ATF6: variants seen among roughly 807,000 people sequenced by gnomAD.
ATF6 encodes the protein cyclic AMP-dependent transcription factor ATF-6 alpha.
Under a neutral mutation model 83.6 loss-of-function variants are expected in ATF6, and 53 were observed. The observed-to-expected ratio is 0.63, with a 90% CI of 0.51 to 0.80. The LOEUF is 0.80. ATF6 is among the 30% of genes least tolerant of loss of function. The pLI, the probability that ATF6 is intolerant of heterozygous loss-of-function variation, is 0.00. For synonymous variants in ATF6, 288 were observed against 285.8 expected (o/e 1.01, Z -0.08); for missense variants, 744 against 797.9 (o/e 0.93, Z 0.81).
chr1:161,897,527 A>G (rs1017086920), intron 14 of ATF6, among the ~76,000 whole-genome samples: 1 of 152,226 alleles, frequency 6.6e-6, no homozygotes, highest in South Asian at 2.1e-4. Flanking sequence ...TAGATTTGTC[A>G]TGGCTGCTGC....
rs928657917 is a variant in ATF6, at chr1:161,879,415, G to A, written c.1719+16103G>A. On this transcript the variant is annotated intron_variant, in intron 14 of 15. Transcript: ENST00000367942. ...GAATGCCAGGTGTAGAGTTACAGTTGATTAATAAGACACAGCCCCTGTACT... is the reference window on the plus strand; with the variant it reads ...GAATGCCAGGTGTAGAGTTACAGTTAATTAATAAGACACAGCCCCTGTACT... 4.6e-5 allele frequency among the ~76,000 whole-genome samples: 7 copies of A among 151,950 alleles called. No homozygotes were observed. In the East Asian group the frequency reaches 1.2e-3, roughly 25 times the overall value.
chr1:161,772,507 C>G (rs183204577), intron 1 of ATF6, among the ~76,000 whole-genome samples: 1 of 152,286 alleles, frequency 6.6e-6, no homozygotes, highest in East Asian at 1.9e-4. Context: ...CCTCATTTAC[C>G]CACCTATCAA....
intron 9 of ATF6, among the ~76,000 whole-genome samples, chr1:161,834,613 T>A: frequency 8.9e-6 from 1 of 112,064 alleles, no homozygotes; most frequent in East Asian, 2.8e-4. Context: ...CATCACACAC[T>A]GGAGACTGTT....
intron 14 of ATF6, among the ~76,000 whole-genome samples, chr1:161,880,859 C>A (rs1370517138): frequency 2.0e-5 from 3 of 152,052 alleles, no homozygotes; most frequent in African/African-American, 7.2e-5. Context: ...TTTTACATTC[C>A]CACCAGTGGG....
intron 14 of ATF6, among the ~76,000 whole-genome samples, chr1:161,910,882 A>G (rs1687979035): frequency 6.6e-6 from 1 of 152,180 alleles, no homozygotes; most frequent in Admixed American, 6.5e-5. Flanking sequence ...GAATTTACTC[A>G]TCTTCTCTCT....
At chr1:161,819,933 G>A (rs1685710563) in intron 8 of ATF6, 115 bp downstream of exon 8, 6 of 1,034,108 alleles carry the variant, frequency 5.8e-6, no homozygotes, top group Non-Finnish European at 6.7e-6. Context: ...GCTAGGAAAA[G>A]GAGGGTATAA....
At chr1:161,771,690 T>G (rs1481741678) in intron 1 of ATF6, among the ~76,000 whole-genome samples, 3 of 152,190 alleles carry the variant, frequency 2.0e-5, no homozygotes, top group Non-Finnish European at 4.4e-5. Flanking sequence ...CACAGCTCAC[T>G]GCATCTTCAG....
At chr1:161,831,684 C>G (rs1279173399) in intron 9 of ATF6, among the ~76,000 whole-genome samples, 1 of 151,700 alleles carries the variant, frequency 6.6e-6, no homozygotes, top group Non-Finnish European at 1.5e-5. Context: ...TCTCAGCAAA[C>G]TATCACAAGG....
chr1:161,878,192 C>T (rs1298805483), intron 14 of ATF6, among the ~76,000 whole-genome samples: 1 of 152,082 alleles, frequency 6.6e-6, no homozygotes, highest in African/African-American at 2.4e-5. Flanking sequence ...CAGCCCCCTG[C>T]AACCTCTGCC....
At chr1:161,852,809 G>C (rs1270378425) in intron 11 of ATF6, among the ~76,000 whole-genome samples, 4 of 152,018 alleles carry the variant, frequency 2.6e-5, no homozygotes, top group African/African-American at 7.2e-5. Context: ...GTAGAGACAG[G>C]GTCTCACTGT....
chr1:161,919,383 A>C (rs1688158941), intron 15 of ATF6, among the ~76,000 whole-genome samples: 1 of 152,198 alleles, frequency 6.6e-6, no homozygotes, highest in Admixed American at 6.5e-5. Context: ...AGTTACTGTA[A>C]GCTAACATTT....
Position 161,838,373 on chromosome 1 carries a change from C to T in ATF6, c.1188-8076C>T, listed in dbSNP as rs990609516. On this transcript the variant is annotated intron_variant, in intron 9 of 15. Transcript: ENST00000367942. Reference sequence around the variant, plus strand: ...GGAACAAACCACCCCAAAACCTAAACGCTTAAGACAACAGCAGTTATTATT... The same window carrying T: ...GGAACAAACCACCCCAAAACCTAAATGCTTAAGACAACAGCAGTTATTATT... Among the ~76,000 whole-genome samples the T allele has an allele frequency of 5.9e-5, 9 of 152,256 alleles. No homozygotes were observed. The South Asian group carries it at 6.2e-4, about 11-fold the overall frequency.
chr1:161,798,163 A>C (rs1685064475), intron 6 of ATF6, among the ~76,000 whole-genome samples: 2 of 152,226 alleles, frequency 1.3e-5, no homozygotes, highest in African/African-American at 4.8e-5. Context: ...ACCCAACTCA[A>C]GATGGATGAA....
intron 8 of ATF6, among the ~76,000 whole-genome samples, chr1:161,820,479 G>A (rs955334435): frequency 2.0e-5 from 3 of 152,216 alleles, no homozygotes; most frequent in South Asian, 2.1e-4. Context: ...CTGGTCGGGC[G>A]TGGTGGCTCA....
At chr1:161,849,729 C>A (rs1023799794) in intron 10 of ATF6, among the ~76,000 whole-genome samples, 1 of 152,002 alleles carries the variant, frequency 6.6e-6, no homozygotes, top group Non-Finnish European at 1.5e-5. Flanking sequence ...CAGTTCATAT[C>A]TATATGTCCT....
intron 2 of ATF6, among the ~76,000 whole-genome samples, chr1:161,781,460 A>G (rs1327576712): frequency 6.6e-6 from 1 of 152,226 alleles, no homozygotes; most frequent in Non-Finnish European, 1.5e-5. Flanking sequence ...AGTGGTAACT[A>G]TCCTCTTTAT....
At chr1:161,952,176 C>T (rs772589977) in intron 15 of ATF6, among the ~76,000 whole-genome samples, 19 of 152,132 alleles carry the variant, frequency 1.2e-4, no homozygotes, top group Non-Finnish European at 2.5e-4. Flanking sequence ...CTCCATCTAT[C>T]TCTTTTCTAC....
chr1:161,915,655 A>C (rs1014711933), intron 15 of ATF6, among the ~76,000 whole-genome samples: 1 of 149,588 alleles, frequency 6.7e-6, no homozygotes, highest in Non-Finnish European at 1.5e-5. Context: ...GGAGGGACTC[A>C]TTCTGTTGCC....
At chr1:161,911,609 T>C (rs1041717562) in intron 14 of ATF6, among the ~76,000 whole-genome samples, 1 of 152,254 alleles carries the variant, frequency 6.6e-6, no homozygotes, top group African/African-American at 2.4e-5. Flanking sequence ...GGGCAAAAAC[T>C]GTACAACTTC....
Sources: gnomAD v4.1 joint callset for allele counts (sites outside exome capture counted in the v4.1 genomes callset) on GRCh38, gnomAD v4.1.1 for gene constraint, MANE v1.5 for transcripts, NCBI Gene and HGNC (gene_info 2026-07-23, HGNC 2026-07-21) for gene names.